Variants in CA10 observed in about 807,000 individuals in gnomAD.
The protein encoded by CA10 is carbonic anhydrase-related protein 10.
CA10 carries 14 observed loss-of-function variants against 44.2 expected under a neutral mutation model. That is an observed-to-expected ratio of 0.32 (90% CI 0.21 to 0.50). The LOEUF is 0.50. CA10 is among the 20% of genes least tolerant of loss of function. The pLI is 0.99. For missense variants in CA10, 350 were observed against 409.7 expected (o/e 0.85, Z 1.26); for synonymous variants, 159 against 141.6 (o/e 1.12, Z -0.87).
chr17:51,795,797 G>A (rs1207700306), intron 3 of CA10, among the ~76,000 whole-genome samples: 1 of 152,222 alleles, frequency 6.6e-6, no homozygotes, highest in Non-Finnish European at 1.5e-5. Flanking sequence ...GGTGGTCACA[G>A]GGCATCAGTG....
chr17:51,701,385 C>A (rs1915596764), intron 4 of CA10, among the ~76,000 whole-genome samples: 1 of 152,144 alleles, frequency 6.6e-6, no homozygotes, highest in Non-Finnish European at 1.5e-5. Flanking sequence ...CTGCAAAGAC[C>A]CTGGCTCCAA....
chr17:51,896,077 TTTTA>T (rs201071138), intron 3 of CA10, among the ~76,000 whole-genome samples: 1,765 of 152,112 alleles, frequency 0.012, 27 homozygotes, highest in African/African-American at 0.04. Context: ...ATGCACAGAT[TTTTA>T]TTTATTTATT....
chr17:51,902,414 T>C (rs1981356166), intron 3 of CA10, among the ~76,000 whole-genome samples: 1 of 152,178 alleles, frequency 6.6e-6, no homozygotes, highest in Non-Finnish European at 1.5e-5. Flanking sequence ...TTTAATTTTA[T>C]CTTTTTTTCC....
intron 3 of CA10, among the ~76,000 whole-genome samples, chr17:51,764,010 T>A (rs1905285825): frequency 6.7e-6 from 1 of 149,240 alleles, no homozygotes; most frequent in African/African-American, 2.5e-5. Flanking sequence ...CCTGATTTTA[T>A]GAACCACCAT....
At chr17:51,976,201 T>C (rs1263257105) in intron 2 of CA10, among the ~76,000 whole-genome samples, 1 of 152,178 alleles carries the variant, frequency 6.6e-6, no homozygotes, top group East Asian at 1.9e-4. Flanking sequence ...TTGTTCACAA[T>C]CGTAGTTAAA....
intron 3 of CA10, among the ~76,000 whole-genome samples, chr17:51,799,622 A>G (rs1368800967): frequency 6.6e-6 from 1 of 152,216 alleles, no homozygotes; most frequent in East Asian, 1.9e-4. Flanking sequence ...AAAATAGAAT[A>G]CAGTAAATAA....
intron 4 of CA10, among the ~76,000 whole-genome samples, chr17:51,743,041 C>T (rs1182382516): frequency 6.6e-6 from 1 of 152,246 alleles, no homozygotes. Context: ...CCATGCCTAG[C>T]TCGGAGCCCA....
At chr17:51,767,230 TAGA>T (rs1373992358) in intron 3 of CA10, among the ~76,000 whole-genome samples, 1 of 152,230 alleles carries the variant, frequency 6.6e-6, no homozygotes, top group Non-Finnish European at 1.5e-5. Context: ...TAGCTACTAA[TAGA>T]AGAAGAGGGG....
At chr17:51,866,752 T>G (rs1443287038) in intron 3 of CA10, among the ~76,000 whole-genome samples, 1 of 152,232 alleles carries the variant, frequency 6.6e-6, no homozygotes, top group African/African-American at 2.4e-5. Context: ...TCCAGATGTC[T>G]TCTAACATAG....
intron 4 of CA10, among the ~76,000 whole-genome samples, chr17:51,665,678 T>A (rs995033535): frequency 1.8e-4 from 27 of 152,236 alleles, no homozygotes; most frequent in African/African-American, 6.5e-4. Context: ...CACAGCATGT[T>A]ACCGTACTGA....
chr17:52,081,783 G>A (rs1013127014), intron 1 of CA10, among the ~76,000 whole-genome samples: 1 of 126,186 alleles, frequency 7.9e-6, no homozygotes, highest in African/African-American at 3.0e-5. Context: ...CTGGGCGACA[G>A]AGCGAGACTC....
chr17:51,686,087 G>T (rs1199560122), intron 4 of CA10, among the ~76,000 whole-genome samples: 1 of 151,896 alleles, frequency 6.6e-6, no homozygotes, highest in South Asian at 2.1e-4. Context: ...TCATGGGTCG[G>T]GGGGGGCGTC....
At chr17:51,790,277 C>G (rs1025004462) in intron 3 of CA10, among the ~76,000 whole-genome samples, 1 of 152,092 alleles carries the variant, frequency 6.6e-6, no homozygotes, top group Non-Finnish European at 1.5e-5. Context: ...CTCAATGATG[C>G]GAAGAGAAGG....
chr17:52,117,281 T>C (rs1988918347), intron 1 of CA10, among the ~76,000 whole-genome samples: 1 of 152,174 alleles, frequency 6.6e-6, no homozygotes, highest in African/African-American at 2.4e-5. Context: ...CGGATTCCAT[T>C]TTGGGAGAAA....
chr17:52,064,718 G>A (rs985602813), intron 2 of CA10, among the ~76,000 whole-genome samples: 2 of 152,124 alleles, frequency 1.3e-5, no homozygotes, highest in African/African-American at 2.4e-5. Flanking sequence ...AGCTGGGAGG[G>A]TTATTGACCT....
At chr17:52,032,689 G>C (rs1427278354) in intron 2 of CA10, among the ~76,000 whole-genome samples, 1 of 152,130 alleles carries the variant, frequency 6.6e-6, no homozygotes, top group East Asian at 1.9e-4. Context: ...GCATGACAAA[G>C]GAGTGGCTGG....
At chr17:52,087,467 C>G (rs1052855648) in intron 1 of CA10, among the ~76,000 whole-genome samples, 18 of 152,108 alleles carry the variant, frequency 1.2e-4, no homozygotes, top group Non-Finnish European at 1.9e-4. Context: ...AAATGCTAGA[C>G]AAAAAGAGGC....
chr17:52,075,715 C>T (rs1220006198), intron 1 of CA10, among the ~76,000 whole-genome samples: 2 of 152,040 alleles, frequency 1.3e-5, no homozygotes, highest in African/African-American at 4.8e-5. Flanking sequence ...AAATATTCCC[C>T]CAGAAACGGT....
chr17:51,970,023 A>G (rs943414561), intron 2 of CA10, among the ~76,000 whole-genome samples: 3 of 152,034 alleles, frequency 2.0e-5, no homozygotes, highest in African/African-American at 7.2e-5. Flanking sequence ...AGCTCAAAGA[A>G]TAGCTAGCTC....
Sources: gnomAD v4.1 joint callset for allele counts (sites outside exome capture counted in the v4.1 genomes callset) on GRCh38, gnomAD v4.1.1 for gene constraint, MANE v1.5 for transcripts, NCBI Gene and HGNC (gene_info 2026-07-23, HGNC 2026-07-21) for gene names.